Variants in DSCAM observed in about 807,000 individuals in gnomAD.
DSCAM encodes cell adhesion molecule DSCAM.
Under a neutral mutation model 217.7 loss-of-function variants are expected in DSCAM, and 47 were observed. That is an observed-to-expected ratio of 0.22 (90% CI 0.17 to 0.28). DSCAM has a LOEUF of 0.28. Among genes scored for constraint, DSCAM ranks in the 10% least tolerant of loss-of-function variants. DSCAM has a pLI of 1.00. For synonymous variants in DSCAM, 1,056 were observed against 1,015.3 expected, an observed-to-expected ratio of 1.04 and a Z score of -0.76; for missense variants, 2,080 against 2,618.3, an observed-to-expected ratio of 0.79 and a Z score of 4.49.
chr21:40,603,644 A>G (rs969252477), intron 3 of DSCAM, among the ~76,000 whole-genome samples: 1 of 152,258 alleles, frequency 6.6e-6, no homozygotes, highest in Middle Eastern at 3.4e-3. Context: ...TCTGACAAAA[A>G]TCTTTATTTC....
chr21:40,558,484 A>T (rs1303189675), intron 3 of DSCAM, among the ~76,000 whole-genome samples: 1 of 152,006 alleles, frequency 6.6e-6, no homozygotes, highest in African/African-American at 2.4e-5. Flanking sequence ...AGTTAATTTC[A>T]CTTATAAAGC....
At chr21:40,382,768 T>C (rs1194158676) in intron 3 of DSCAM, among the ~76,000 whole-genome samples, 2 of 152,184 alleles carry the variant, frequency 1.3e-5, no homozygotes, top group African/African-American at 4.8e-5. Flanking sequence ...TGAGAGTAAC[T>C]CAATTCCCTA....
intron 1 of DSCAM, among the ~76,000 whole-genome samples, chr21:40,759,395 T>A (rs2146579940): frequency 6.6e-6 from 1 of 152,300 alleles, no homozygotes; most frequent in Admixed American, 6.5e-5. Context: ...CCTGGAATCT[T>A]TTCAGGCTGG....
At chr21:40,746,256 G>C (rs2091173455) in intron 1 of DSCAM, among the ~76,000 whole-genome samples, 1 of 151,622 alleles carries the variant, frequency 6.6e-6, no homozygotes, top group African/African-American at 2.4e-5. Flanking sequence ...AAGAGACATA[G>C]AGTGACTGAA....
At chr21:40,168,528 A>G (rs890127597) in intron 15 of DSCAM, among the ~76,000 whole-genome samples, 1 of 152,206 alleles carries the variant, frequency 6.6e-6, no homozygotes, top group Non-Finnish European at 1.5e-5. Context: ...AGATTAAAAA[A>G]TGTTTTTGGA....
intron 11 of DSCAM, 115 bp from the exon 12 acceptor site, chr21:40,189,353 T>C: frequency 4.6e-6 from 4 of 872,402 alleles, no homozygotes; most frequent in Non-Finnish European, 6.6e-6. Flanking sequence ...TGAAATTTAT[T>C]CAAGAAACTG....
rs1020140138 is a variant in DSCAM, at chr21:40,574,786, C to A, written c.508+118024G>T. On this transcript the variant is annotated intron_variant, in intron 3 of 32. Transcript: ENST00000400454. ...GCAATGGCAGGGTCTTGGCTCACTG[C>A]AACCTCCACTTCCTGGGTTCAAGGG... 2.0e-5 allele frequency among the ~76,000 whole-genome samples: 3 copies of A among 149,676 alleles called. No individual in the cohort carries two copies. In the South Asian group the frequency reaches 6.3e-4, roughly 31 times the overall value.
chr21:40,126,326 TAAAAAAGAAAAG>T (rs1224681312), intron 19 of DSCAM, among the ~76,000 whole-genome samples: 2 of 141,870 alleles, frequency 1.4e-5, no homozygotes, highest in Non-Finnish European at 1.6e-5. Flanking sequence ...GAAAGAAGGA[TAAAAAAGAAAAG>T]AAAGAAGAAA....
At chr21:40,554,453 G>A (rs974006032) in intron 3 of DSCAM, among the ~76,000 whole-genome samples, 14 of 152,042 alleles carry the variant, frequency 9.2e-5, no homozygotes, top group African/African-American at 2.9e-4. Context: ...AGCCTTTCAG[G>A]GACCCCTCAA....
intron 32 of DSCAM, among the ~76,000 whole-genome samples, chr21:40,031,327 C>T (rs746056587): frequency 6.6e-6 from 1 of 152,080 alleles, no homozygotes; most frequent in South Asian, 2.1e-4. Flanking sequence ...AAGAAGGCTG[C>T]CCAGGCTAAC....
At chr21:40,047,967 T>C (rs2088869164) in intron 30 of DSCAM, among the ~76,000 whole-genome samples, 1 of 152,214 alleles carries the variant, frequency 6.6e-6, no homozygotes, top group South Asian at 2.1e-4. Flanking sequence ...TTCTTTAGTC[T>C]CTACATATTC....
At chr21:40,354,199 A>G (rs185201814) in intron 4 of DSCAM, among the ~76,000 whole-genome samples, 17 of 152,324 alleles carry the variant, frequency 1.1e-4, no homozygotes, top group Non-Finnish European at 2.2e-4. Flanking sequence ...CAAAATAGCT[A>G]AAACAGAAGA....
At chr21:40,835,438 A>C (rs1459738174) in intron 1 of DSCAM, among the ~76,000 whole-genome samples, 6 of 152,204 alleles carry the variant, frequency 3.9e-5, no homozygotes, top group African/African-American at 1.4e-4. Context: ...TTTTAAAGGA[A>C]CATGAGTATA....
intron 10 of DSCAM, among the ~76,000 whole-genome samples, chr21:40,289,913 G>A (rs559380287): frequency 4.6e-5 from 7 of 152,296 alleles, no homozygotes; most frequent in African/African-American, 1.2e-4. Flanking sequence ...TGTCTATAAA[G>A]CCATGGCTGA....
chr21:40,269,900 A>G (rs1268115949), intron 11 of DSCAM, among the ~76,000 whole-genome samples: 1 of 152,222 alleles, frequency 6.6e-6, no homozygotes, highest in Non-Finnish European at 1.5e-5. Flanking sequence ...CATATAAGGT[A>G]CTGGAGGTTA....
At chr21:40,217,320 C>G (rs556355307) in intron 11 of DSCAM, among the ~76,000 whole-genome samples, 4 of 152,138 alleles carry the variant, frequency 2.6e-5, no homozygotes, top group African/African-American at 9.7e-5. Flanking sequence ...TTTTAACAAG[C>G]ACATTTTCTT....
intron 1 of DSCAM, among the ~76,000 whole-genome samples, chr21:40,711,407 T>A (rs969850058): frequency 2.0e-5 from 3 of 152,212 alleles, no homozygotes; most frequent in African/African-American, 7.2e-5. Flanking sequence ...GGACTCATCT[T>A]ATAATAATAA....
At chr21:40,668,680 A>G (rs1188113985) in intron 3 of DSCAM, among the ~76,000 whole-genome samples, 2 of 152,232 alleles carry the variant, frequency 1.3e-5, no homozygotes, top group East Asian at 3.9e-4. Flanking sequence ...CTGTTTAAGT[A>G]CTATTCTGGG....
At chr21:40,504,314 A>T (rs1432902572) in intron 3 of DSCAM, among the ~76,000 whole-genome samples, 2 of 152,188 alleles carry the variant, frequency 1.3e-5, no homozygotes, top group African/African-American at 4.8e-5. Flanking sequence ...GGAGGGCATC[A>T]AGAATCAGGT....
Sources: gnomAD v4.1 joint callset for allele counts (sites outside exome capture counted in the v4.1 genomes callset) on GRCh38, gnomAD v4.1.1 for gene constraint, MANE v1.5 for transcripts, NCBI Gene and HGNC (gene_info 2026-07-23, HGNC 2026-07-21) for gene names.